Variants in LFNG observed in about 807,000 individuals in gnomAD.
LFNG encodes the protein LFNG O-fucosylpeptide 3-beta-N-acetylglucosaminyltransferase.
LFNG carries 15 observed loss-of-function variants against 32.7 expected under a neutral mutation model. That is an observed-to-expected ratio of 0.46 (90% CI 0.31 to 0.71). The LOEUF (loss-of-function observed/expected upper bound fraction) is 0.71. Among genes scored for constraint, LFNG ranks in the 30% least tolerant of loss-of-function variants. LFNG has a pLI of 0.06. For missense variants in LFNG, 520 were observed against 545.7 expected, an observed-to-expected ratio of 0.95 and a Z score of 0.47; for synonymous variants, 274 against 246.8, an observed-to-expected ratio of 1.11 and a Z score of -1.03.
At chr7:2,529,072 C>T, downstream of LFNG, 1 of 408,756 alleles carries the variant, frequency 2.4e-6, no homozygotes, top group Non-Finnish European at 4.4e-6. This position sits in a 1 kb window ranked among gnomAD's most constrained non-coding sequence, Gnocchi z 4.2. Flanking sequence ...TCCTGGAGAG[C>T]AGGAGCAGTG....
chr7:2,525,645 G>A, intron 4 of LFNG, 40 bp from the exon 5 acceptor site: 2 of 1,612,068 alleles, frequency 1.2e-6, no homozygotes, highest in Non-Finnish European at 1.7e-6. Flanking sequence ...GTGAGGGGCA[G>A]CAGCGCCTGG....
In LFNG at chr7:2,519,778, G is replaced by A. The variant is rs912540923; in HGVS notation, c.-84G>A. On this transcript the variant is annotated 5_prime_UTR_variant, in exon 1 of 8. Coordinates refer to ENST00000222725, the MANE Select transcript of LFNG (RefSeq NM_001040167.2). ...GCGGGACACTGGTGCTGCGCTGCTG[G>A]ACTGCGCCGCCGGAGCGACGGGCTT... 6.2e-6 allele frequency: 5 copies of A among 812,184 alleles called. No individual in the cohort carries two copies. The African/African-American group carries it at 9.3e-5, about 15-fold the overall frequency. The allele number at this position is 812,184 out of a possible 1,614,324, so 50.3% of individuals were successfully genotyped here.
chr7:2,514,516 GTCCATCCATCCA>G (rs1201948500), upstream of LFNG, among the ~76,000 whole-genome samples: 2 of 151,278 alleles, frequency 1.3e-5, no homozygotes, highest in Non-Finnish European at 2.9e-5. Context: ...CCATTCACCT[GTCCATCCATCCA>G]TCCATCCATC....
intron 1 of LFNG, 35 bp from the exon 2 acceptor site, chr7:2,524,660 G>T: frequency 6.4e-7 from 1 of 1,563,480 alleles, no homozygotes; most frequent in East Asian, 2.4e-5. Context: ...TGGGGATGAA[G>T]GGCTGCCTGC....
At chr7:2,512,712 G>C in intron 1 of LFNG, 1 of 1,613,464 alleles carries the variant, frequency 6.2e-7, no homozygotes, top group Non-Finnish European at 8.5e-7. Flanking sequence ...GTGGGCCTCA[G>C]GGTTGCTTTT....
chr7:2,524,836 GTC>G, intron 2 of LFNG, 93 bp downstream of exon 2: 1 of 1,215,680 alleles, frequency 8.2e-7, no homozygotes, highest in African/African-American at 1.5e-5. Context: ...GGGCCGAGAG[GTC>G]ACCAAGGGCA....
In LFNG at chr7:2,526,212, T is replaced by G; in HGVS notation, c.822-32T>G. 6.2e-7 allele frequency: 1 copy of G among 1,611,514 alleles called. No homozygotes were observed. The highest frequency in any genetic ancestry group is 8.5e-7 in the Non-Finnish European group (1 of 1,179,790). On this transcript the variant is annotated intron_variant, in intron 5 of 7. Transcript: ENST00000222725. The surrounding 1 kb of genome is among the most constrained non-coding windows in gnomAD (Gnocchi z 6.9). ...GCTCCCAGCAGATGGCTCCCGCCTCTGCTCACTGGTCTGGGCCCTTCCCTC... is the reference window on the plus strand; with the variant it reads ...GCTCCCAGCAGATGGCTCCCGCCTCGGCTCACTGGTCTGGGCCCTTCCCTC...
upstream of LFNG, among the ~76,000 whole-genome samples, chr7:2,515,104 GT>G (rs1779593363): frequency 6.7e-6 from 1 of 148,934 alleles, no homozygotes; most frequent in East Asian, 2.0e-4. Flanking sequence ...CCGTCTGTCT[GT>G]CTGCCCATCC....
At position 2,520,125 on chromosome 7, in the gene LFNG, G is replaced by A. The variant is rs1779745228; in HGVS notation, c.264G>A (p.Ala88=). 1.5e-6 allele frequency: 2 copies of A among 1,353,138 alleles called. No individual in the cohort carries two copies. Among genetic ancestry groups the A allele is most frequent in the Admixed American group, 5.8e-5 (2 of 34,674 alleles). The allele number at this position is 1,353,138 out of a possible 1,614,324, so 83.8% of individuals were successfully genotyped here. Residue 88 remains alanine (A), a synonymous_variant, in exon 1 of 8, where the codon GCG becomes GCA. Coordinates refer to ENST00000222725, the MANE Select transcript of LFNG (RefSeq NM_001040167.2). The surrounding 1 kb of genome is among the most constrained non-coding windows in gnomAD (Gnocchi z 5.0). ...FSLLTRARRD[A]GPPPGAAPRP... is the part of the protein sequence containing the mutation. Reference sequence around the variant, plus strand: ...TGCTCACCCGCGCGCGCAGAGATGCGGGCCCGCCGCCCGGGGCTGCCCCCC... The same window carrying A: ...TGCTCACCCGCGCGCGCAGAGATGCAGGCCCGCCGCCCGGGGCTGCCCCCC...
chr7:2,519,867 C>A lies in LFNG; in HGVS notation c.6C>A (p.Leu2=), dbSNP rs1390203183. 21 of 1,102,440 alleles carry A rather than the reference C, an allele frequency of 1.9e-5. 2 individuals are homozygous for A. The Admixed American group carries it at 9.4e-4, about 49-fold the overall frequency. The allele number at this position is 1,102,440 out of a possible 1,614,324, so 68.3% of individuals were successfully genotyped here. A position where few individuals can be genotyped will look rare whatever the true frequency, so the allele number is the denominator to read the frequency against. ...CGCGCGGCCGCCACCCCACCATGCT[C>A]AAGCGCTGCGGCCGGCGCCTGCTGC... The part of the protein sequence containing the change: M[L]KRCGRRLLLA... The change falls in exon 1 of 8, where the codon CTC becomes CTA. Residue 2 remains leucine, a synonymous_variant. Transcript: ENST00000222725.
rs1254869229 is a variant in LFNG at position 2,527,333 on chromosome 7, TGTGC to T, written c.*125_*128del. The T allele has an allele frequency of 4.1e-5, 61 of 1,491,958 alleles. No homozygotes were observed. The highest frequency in any genetic ancestry group is 2.9e-4 in the African/African-American group (17 of 58,292). The allele number at this position is 1,491,958 out of a possible 1,614,324, so 92.4% of individuals were successfully genotyped here. A position where few individuals can be genotyped will look rare whatever the true frequency, so the allele number is the denominator to read the frequency against. ...CTAGGGCCGTGCCTGTGCGTGTGCG[TGTGC>T]GTGTGTGTGTGTGTGTACTGCATGC... is the stretch of plus-strand genomic sequence containing the variant. On this transcript the variant is annotated 3_prime_UTR_variant, in exon 8 of 8. Coordinates refer to ENST00000222725, the MANE Select transcript of LFNG (RefSeq NM_001040167.2). This position sits in a 1 kb window ranked among gnomAD's most constrained non-coding sequence, Gnocchi z 4.4.
chr7:2,524,617 C>A, intron 1 of LFNG, 78 bp from the exon 2 acceptor site: 2 of 1,353,824 alleles, frequency 1.5e-6, no homozygotes, highest in Non-Finnish European at 2.1e-6. Context: ...AACTCCAGGG[C>A]GCCCCGTCCG....
At chr7:2,523,978 G>C (rs1448877675) in intron 1 of LFNG, among the ~76,000 whole-genome samples, 1 of 152,136 alleles carries the variant, frequency 6.6e-6, no homozygotes, top group African/African-American at 2.4e-5. Flanking sequence ...TGCACCCTAC[G>C]CGCGGGACCT....
At chr7:2,528,710 C>T (rs961771754), downstream of LFNG, among the ~76,000 whole-genome samples, 4 of 152,152 alleles carry the variant, frequency 2.6e-5, no homozygotes, top group African/African-American at 9.7e-5. Flanking sequence ...GGCTCTAGGT[C>T]CCAGCCAAAA....
Position 2,526,806 on chromosome 7 carries a change from T to TC in LFNG, c.988-27dup. 6.2e-7 allele frequency: 1 copy of TC among 1,604,820 alleles called. No homozygotes were observed. Among genetic ancestry groups the TC allele is most frequent in the South Asian group, 1.1e-5 (1 of 90,732 alleles). On this transcript the variant is annotated intron_variant, in intron 6 of 7. Coordinates refer to ENST00000222725, the MANE Select transcript of LFNG (RefSeq NM_001040167.2). The surrounding 1 kb of genome is among the most constrained non-coding windows in gnomAD (Gnocchi z 6.9). ...GCGGGGCCCAGGGATGTCGGGCCCCTCCCGGCATCACTCCGCCCGCTCCCC... is the reference window on the plus strand; with the variant it reads ...GCGGGGCCCAGGGATGTCGGGCCCCTCCCCGGCATCACTCCGCCCGCTCCCC...
upstream of LFNG, among the ~76,000 whole-genome samples, chr7:2,513,688 C>T (rs1583267296): frequency 6.6e-6 from 1 of 152,230 alleles, no homozygotes; most frequent in Non-Finnish European, 1.5e-5. Context: ...GCTGTGGCTG[C>T]CACACAAGCC....
chr7:2,525,380 A>G, intron 3 of LFNG, 34 bp from the exon 4 acceptor site: 4 of 1,612,586 alleles, frequency 2.5e-6, no homozygotes, highest in Non-Finnish European at 2.5e-6. Flanking sequence ...CCGCCCCGGC[A>G]TGCCCTCCCC....
At position 2,525,409 on chromosome 7, in the gene LFNG, C is replaced by T; in HGVS notation, c.582-5C>T. 1.9e-6 allele frequency: 3 copies of T among 1,612,864 alleles called. No individual in the cohort carries two copies. The highest frequency in any genetic ancestry group is 2.5e-6 in the Non-Finnish European group (3 of 1,179,850). On this transcript the variant is annotated splice_region_variant and splice_polypyrimidine_tract_variant and intron_variant, in intron 3 of 7. Transcript: ENST00000222725. ...CCTCCCCCGATGGCCCTGCCTTGTCCTCAGGTGGTTCTGCCACGTGGACGA... is the reference window on the plus strand; with the variant it reads ...CCTCCCCCGATGGCCCTGCCTTGTCTTCAGGTGGTTCTGCCACGTGGACGA...
Position 2,525,670 on chromosome 7 carries a change from T to G in LFNG, c.736-15T>G, listed in dbSNP as rs199510750. The G allele has an allele frequency of 8.7e-6, 14 of 1,612,326 alleles. No individual in the cohort carries two copies. In the African/African-American group the frequency reaches 1.3e-4, roughly 15 times the overall value. On this transcript the variant is annotated splice_polypyrimidine_tract_variant and intron_variant, in intron 4 of 7. Coordinates refer to ENST00000222725, the MANE Select transcript of LFNG (RefSeq NM_001040167.2). Reference sequence around the variant, plus strand: ...GCAGCGCCTGGGTCTCAGGACACCTTCTCCCTTCTCCCAGCGTCCTGTCCA... The same window carrying G: ...GCAGCGCCTGGGTCTCAGGACACCTGCTCCCTTCTCCCAGCGTCCTGTCCA...
Sources: allele counts gnomAD v4.1 joint callset (sites outside exome capture counted in the v4.1 genomes callset), GRCh38; gene constraint gnomAD v4.1.1; non-coding constraint Gnocchi (gnomAD v3.1); transcripts MANE v1.5; gene names NCBI Gene and HGNC (gene_info 2026-07-23, HGNC 2026-07-21).